Variants in RORA observed in about 807,000 individuals in gnomAD.
RORA encodes the protein RAR related orphan receptor A.
A neutral mutation model predicts 69.5 loss-of-function variants in RORA; 7 were observed. That is an observed-to-expected ratio of 0.10 (90% CI 0.06 to 0.19). The LOEUF (loss-of-function observed/expected upper bound fraction) is 0.19, where lower values mean the gene tolerates loss of function less well. RORA is among the 10% of genes least tolerant of loss of function. RORA has a pLI of 1.00. For missense variants in RORA, 457 were observed against 663.0 expected, an observed-to-expected ratio of 0.69 and a Z score of 3.41; for synonymous variants, 261 against 240.8, an observed-to-expected ratio of 1.08 and a Z score of -0.78.
intron 1 of RORA, among the ~76,000 whole-genome samples, chr15:60,750,478 A>T (rs1019004123): frequency 6.6e-6 from 1 of 152,232 alleles, no homozygotes; most frequent in African/African-American, 2.4e-5. Context: ...ATATTTTTGC[A>T]AGCATATTTT....
At chr15:60,584,297 T>C (rs1215165674) in intron 2 of RORA, among the ~76,000 whole-genome samples, 7 of 152,246 alleles carry the variant, frequency 4.6e-5, no homozygotes, top group Non-Finnish European at 1.0e-4. Flanking sequence ...GAACCACTGT[T>C]TCAGGCAGGA....
At chr15:60,810,123 G>A (rs1056178816) in intron 1 of RORA, among the ~76,000 whole-genome samples, 3 of 152,066 alleles carry the variant, frequency 2.0e-5, no homozygotes, top group Admixed American at 6.6e-5. Flanking sequence ...GTTTGATGGT[G>A]CATCTTTCAG....
intron 1 of RORA, among the ~76,000 whole-genome samples, chr15:60,842,343 T>A (rs2073210158): frequency 6.6e-6 from 1 of 152,170 alleles, no homozygotes; most frequent in African/African-American, 2.4e-5. Context: ...ATACCTAGTC[T>A]CAGCAAACAG....
intron 1 of RORA, among the ~76,000 whole-genome samples, chr15:61,055,584 C>T (rs1423297817): frequency 6.6e-6 from 1 of 152,184 alleles, no homozygotes; most frequent in African/African-American, 2.4e-5. Context: ...TAGGCCCACC[C>T]TACAAAATGA....
At chr15:60,941,532 A>G (rs553342426) in intron 1 of RORA, among the ~76,000 whole-genome samples, 92 of 152,360 alleles carry the variant, frequency 6.0e-4, no homozygotes, top group African/African-American at 1.8e-3. Context: ...GGCCCTCCCA[A>G]TGAGACAGCC....
At chr15:60,687,858 T>C (rs1288519822) in intron 1 of RORA, among the ~76,000 whole-genome samples, 1 of 152,236 alleles carries the variant, frequency 6.6e-6, no homozygotes, top group African/African-American at 2.4e-5. Context: ...TATGGGATTT[T>C]AGAATCAGGA....
intron 1 of RORA, among the ~76,000 whole-genome samples, chr15:61,221,347 A>G (rs1244524323): frequency 6.6e-6 from 1 of 152,218 alleles, no homozygotes; most frequent in Non-Finnish European, 1.5e-5. Flanking sequence ...CATACTTCAT[A>G]GTAGATTCAA....
At chr15:60,926,594 C>G (rs985805366) in intron 1 of RORA, among the ~76,000 whole-genome samples, 8 of 152,182 alleles carry the variant, frequency 5.3e-5, no homozygotes, top group African/African-American at 1.9e-4. Context: ...ATATACTTTG[C>G]CTCTGCAGCT....
intron 1 of RORA, among the ~76,000 whole-genome samples, chr15:61,130,750 C>T (rs1312675407): frequency 6.6e-6 from 1 of 152,144 alleles, no homozygotes; most frequent in Non-Finnish European, 1.5e-5. Context: ...GGTAGCATTA[C>T]TACTATTAAA....
At chr15:60,766,908 G>A (rs911808072) in intron 1 of RORA, among the ~76,000 whole-genome samples, 4 of 152,086 alleles carry the variant, frequency 2.6e-5, no homozygotes, top group African/African-American at 9.7e-5. Flanking sequence ...GCCCTGATAC[G>A]AATCATTAAC....
chr15:60,969,115 C>T (rs1893638700), intron 1 of RORA, among the ~76,000 whole-genome samples: 1 of 152,164 alleles, frequency 6.6e-6, no homozygotes, highest in Non-Finnish European at 1.5e-5. Flanking sequence ...TGAAGTGGCC[C>T]ATGGTTTCTG....
chr15:60,933,622 G>T (rs1486713488), intron 1 of RORA, among the ~76,000 whole-genome samples: 1 of 152,308 alleles, frequency 6.6e-6, no homozygotes, highest in Middle Eastern at 3.4e-3. Context: ...ACTCCTAAAG[G>T]AAGAGGGGTG....
chr15:60,771,138 T>C (rs1054362771), intron 1 of RORA, among the ~76,000 whole-genome samples: 1 of 152,130 alleles, frequency 6.6e-6, no homozygotes, highest in Admixed American at 6.5e-5. Context: ...GGGTCCCCCA[T>C]AGACTGACTC....
chr15:60,949,791 G>C (rs1274401302), intron 1 of RORA, among the ~76,000 whole-genome samples: 5 of 152,192 alleles, frequency 3.3e-5, no homozygotes, highest in African/African-American at 9.7e-5. Context: ...GTTTATAAGT[G>C]AAATCAACTG....
At chr15:60,527,040 T>C (rs2066381819) in intron 3 of RORA, among the ~76,000 whole-genome samples, 1 of 152,236 alleles carries the variant, frequency 6.6e-6, no homozygotes, top group African/African-American at 2.4e-5. Flanking sequence ...AAGCTTTGAA[T>C]AAGACATCAT....
chr15:60,884,440 T>C (rs1248316197), intron 1 of RORA, among the ~76,000 whole-genome samples: 2 of 151,812 alleles, frequency 1.3e-5, no homozygotes, highest in East Asian at 3.9e-4. Flanking sequence ...TAGAAAAAAA[T>C]GCCTGGTGAT....
chr15:60,936,917 G>A (rs918147787), intron 1 of RORA, among the ~76,000 whole-genome samples: 9 of 152,318 alleles, frequency 5.9e-5, no homozygotes, highest in African/African-American at 1.7e-4. Flanking sequence ...TGATGTAAGG[G>A]ATGGTCATTA....
chr15:60,519,872 A>G (rs1327051475), intron 3 of RORA: 1 of 152,422 alleles, frequency 6.6e-6, no homozygotes, highest in African/African-American at 2.4e-5. Context: ...ACTTACTGCA[A>G]GGGCACAGAA....
At chr15:60,748,489 T>C (rs2071680177) in intron 1 of RORA, among the ~76,000 whole-genome samples, 1 of 152,198 alleles carries the variant, frequency 6.6e-6, no homozygotes, top group Admixed American at 6.5e-5. Flanking sequence ...CTTTGACTTA[T>C]ATGTCAACTC....
Sources: gnomAD v4.1 joint callset for allele counts (sites outside exome capture counted in the v4.1 genomes callset) on GRCh38, gnomAD v4.1.1 for gene constraint, MANE v1.5 for transcripts, NCBI Gene and HGNC (gene_info 2026-07-23, HGNC 2026-07-21) for gene names.